Variants in ALG14 observed in about 807,000 individuals in gnomAD.
ALG14 encodes the protein UDP-N-acetylglucosamine transferase subunit ALG14.
A neutral mutation model predicts 22.8 loss-of-function variants in ALG14; 17 were observed. The ratio of observed to expected loss-of-function variants is 0.75; its 90% CI spans 0.51 to 1.12. The LOEUF is 1.12. Among genes scored for constraint, ALG14 ranks in the 50% most tolerant of loss-of-function variants. The pLI, the probability that ALG14 is intolerant of heterozygous loss-of-function variation, is 0.00. For synonymous variants in ALG14, 89 were observed against 103.7 expected, an observed-to-expected ratio of 0.86 and a Z score of 0.86; for missense variants, 288 against 271.8, an observed-to-expected ratio of 1.06 and a Z score of -0.42.
intron 2 of ALG14, among the ~76,000 whole-genome samples, chr1:95,047,692 C>T (rs1375639665): frequency 6.6e-6 from 1 of 152,040 alleles, no homozygotes; most frequent in Non-Finnish European, 1.5e-5. Context: ...AATTAAGAAA[C>T]CAACAGGCCA....
At chr1:95,050,816 C>T (rs1229298775) in intron 2 of ALG14, among the ~76,000 whole-genome samples, 9 of 151,860 alleles carry the variant, frequency 5.9e-5, no homozygotes, top group African/African-American at 2.2e-4. Flanking sequence ...GCCCTAAGGC[C>T]CAGTTGTTAG....
chr1:95,033,780 T>C (rs1281169541), intron 2 of ALG14, among the ~76,000 whole-genome samples: 1 of 152,140 alleles, frequency 6.6e-6, no homozygotes, highest in Admixed American at 6.6e-5. Flanking sequence ...ATTCAAGTCA[T>C]TACCATCTCT....
In ALG14 at chr1:95,013,624, C is replaced by T. The variant is rs74820812; in HGVS notation, c.420+13505G>A. On this transcript the variant is annotated intron_variant, in intron 3 of 3. Transcript: ENST00000370205. Reference sequence around the variant, plus strand: ...GTGAGCCAACGTGCCTGGCCAGTTTCCTGTTCTTTTTAATAAAAATACAGC... The same window carrying T: ...GTGAGCCAACGTGCCTGGCCAGTTTTCTGTTCTTTTTAATAAAAATACAGC... Among the ~76,000 whole-genome samples the T allele has an allele frequency of 3.7e-3, 570 of 152,170 alleles. 24 individuals carry two copies. In the East Asian group the frequency reaches 0.1, roughly 28 times the overall value.
chr1:95,036,225 T>A (rs1303848024), intron 2 of ALG14, among the ~76,000 whole-genome samples: 1 of 152,052 alleles, frequency 6.6e-6, no homozygotes, highest in African/African-American at 2.4e-5. Context: ...CAAGTGGAGA[T>A]AATTGAATCA....
chr1:94,998,685 T>C (rs1184659919), intron 3 of ALG14, among the ~76,000 whole-genome samples: 1 of 152,230 alleles, frequency 6.6e-6, no homozygotes, highest in Non-Finnish European at 1.5e-5. Flanking sequence ...TGTCTGCCAC[T>C]TGGCCTTCAG....
At position 95,051,493 on chromosome 1, in the gene ALG14, G is replaced by A. The variant is rs959783449; in HGVS notation, c.288+13373C>T. ...CCTTCTCCCCTTCAGTTTAGTCAGC[G>A]ACTAAAGTGATTCTGTCAGATCATG... On this transcript the variant is annotated intron_variant, in intron 2 of 3. Transcript: ENST00000370205. 7.2e-5 allele frequency among the ~76,000 whole-genome samples: 11 copies of A among 152,066 alleles called. No individual in the cohort carries two copies. In the East Asian group the frequency reaches 7.7e-4, roughly 11 times the overall value.
At chr1:95,000,661 T>C (rs1241651560) in intron 3 of ALG14, among the ~76,000 whole-genome samples, 1 of 151,636 alleles carries the variant, frequency 6.6e-6, no homozygotes, top group Non-Finnish European at 1.5e-5. Flanking sequence ...GCTTTCTTTG[T>C]TCAAATTAAT....
chr1:95,009,198 T>C (rs2100747135), intron 3 of ALG14, among the ~76,000 whole-genome samples: 1 of 150,786 alleles, frequency 6.6e-6, no homozygotes, highest in East Asian at 1.9e-4. Flanking sequence ...ATATGGTAAT[T>C]TTTTTATTTT....
intron 1 of ALG14, 66 bp downstream of exon 1, chr1:95,072,697 G>A: frequency 1.3e-6 from 2 of 1,588,088 alleles, no homozygotes; most frequent in Non-Finnish European, 8.6e-7. Context: ...AGGGAAGAGC[G>A]TCGCGGTGCA....
chr1:95,028,612 GT>G (rs1358437478), intron 2 of ALG14, among the ~76,000 whole-genome samples: 3 of 152,266 alleles, frequency 2.0e-5, no homozygotes, highest in Non-Finnish European at 2.9e-5. Flanking sequence ...GAGGTCAGGA[GT>G]TTGAGACCAG....
At chr1:95,002,563 AT>A (rs944022387) in intron 3 of ALG14, among the ~76,000 whole-genome samples, 5 of 152,214 alleles carry the variant, frequency 3.3e-5, no homozygotes, top group Non-Finnish European at 7.3e-5. Flanking sequence ...CCACAAACGG[AT>A]TTTCCATTTC....
chr1:95,052,141 A>G (rs1271564751), intron 2 of ALG14, among the ~76,000 whole-genome samples: 1 of 152,186 alleles, frequency 6.6e-6, no homozygotes, highest in East Asian at 1.9e-4. Flanking sequence ...ACCAAGACAT[A>G]TTTTCAGGTA....
intron 3 of ALG14, among the ~76,000 whole-genome samples, chr1:94,991,197 A>G (rs962009214): frequency 6.6e-6 from 1 of 152,254 alleles, no homozygotes; most frequent in African/African-American, 2.4e-5. Flanking sequence ...TAGTGAACAA[A>G]AGTCCTTGCC....
At chr1:94,999,384 G>C (rs1384301365) in intron 3 of ALG14, among the ~76,000 whole-genome samples, 1 of 142,316 alleles carries the variant, frequency 7.0e-6, no homozygotes, top group African/African-American at 2.6e-5. Context: ...CTGAAATGAG[G>C]CTTCAAGTGC....
intron 3 of ALG14, 95 bp downstream of exon 3, chr1:95,027,034 T>C (rs1013593117): frequency 1.4e-6 from 2 of 1,464,176 alleles, no homozygotes; most frequent in African/African-American, 1.4e-5. Context: ...GGCACACTAA[T>C]AAATGGTAGC....
chr1:94,991,700 A>G (rs988217799), intron 3 of ALG14, among the ~76,000 whole-genome samples: 2 of 152,158 alleles, frequency 1.3e-5, no homozygotes, highest in African/African-American at 2.4e-5. Flanking sequence ...TTATGAAAAC[A>G]TTTTTGTTCT....
intron 2 of ALG14, among the ~76,000 whole-genome samples, chr1:95,044,584 C>T (rs931902355): frequency 5.3e-5 from 8 of 152,102 alleles, no homozygotes; most frequent in Non-Finnish European, 1.0e-4. Context: ...TCAGGAGTCC[C>T]CATCGCCTTC....
intron 2 of ALG14, among the ~76,000 whole-genome samples, chr1:95,040,717 TTA>T (rs1042006283): frequency 6.6e-6 from 1 of 152,222 alleles, no homozygotes; most frequent in Non-Finnish European, 1.5e-5. Flanking sequence ...ATTGTGCTAT[TTA>T]TGTTTTTAAA....
intron 2 of ALG14, among the ~76,000 whole-genome samples, chr1:95,051,171 C>T (rs894039684): frequency 6.6e-6 from 1 of 152,108 alleles, no homozygotes; most frequent in Non-Finnish European, 1.5e-5. Context: ...TACATCTTCT[C>T]TCGTATGTTT....
Sources: allele counts gnomAD v4.1 joint callset (sites outside exome capture counted in the v4.1 genomes callset), GRCh38; gene constraint gnomAD v4.1.1; transcripts MANE v1.5; gene names NCBI Gene and HGNC (gene_info 2026-07-23, HGNC 2026-07-21).